Variants in CCDC30 observed in about 807,000 individuals in gnomAD.
CCDC30 encodes coiled-coil domain-containing protein 30.
A neutral mutation model predicts 100.2 loss-of-function variants in CCDC30; 70 were observed. The observed-to-expected ratio is 0.70, with a 90% confidence interval of 0.58 to 0.85. CCDC30 has a LOEUF of 0.85. CCDC30 is among the 40% of genes least tolerant of loss of function. The pLI is 0.00. For synonymous variants in CCDC30, 233 were observed against 269.5 expected, an observed-to-expected ratio of 0.86 and a Z score of 1.33; for missense variants, 652 against 771.2, an observed-to-expected ratio of 0.85 and a Z score of 1.83.
rs147320905 is a variant in CCDC30 at position 42,557,400 on chromosome 1, C to T, written c.457-8896C>T. ...AATATTTAAGAAGAGATTACTTTTA[C>T]AGCTCCAGATGGACATTGGTCAGTG... On this transcript the variant is annotated intron_variant, in intron 6 of 16. Coordinates refer to ENST00000668663, the Ensembl canonical transcript of CCDC30. Among the ~76,000 whole-genome samples, 796 of 152,144 alleles carry T rather than the reference C, an allele frequency of 5.2e-3. 8 individuals are homozygous for T. Among genetic ancestry groups the T allele is most frequent in the African/African-American group, 0.019 (769 of 41,538 alleles).
At chr1:42,652,864 C>T (rs1157564292) in intron 15 of CCDC30, among the ~76,000 whole-genome samples, 1 of 151,888 alleles carries the variant, frequency 6.6e-6, no homozygotes, top group Non-Finnish European at 1.5e-5. Flanking sequence ...TAGTGATTGC[C>T]AAGGATTTGG....
chr1:42,460,907 C>T (rs1323122603), upstream of CCDC30, among the ~76,000 whole-genome samples: 2 of 152,210 alleles, frequency 1.3e-5, no homozygotes, highest in Non-Finnish European at 2.9e-5. Flanking sequence ...TCTCACTTAG[C>T]AAAGCAGTGT....
At chr1:42,609,036 G>A (rs78879760) in intron 10 of CCDC30, among the ~76,000 whole-genome samples, 2,739 of 152,192 alleles carry the variant, frequency 0.018, 37 homozygotes, top group Non-Finnish European at 0.027. Flanking sequence ...TATTTTTAGG[G>A]AAATGAAAAA....
At chr1:42,533,144 T>C (rs1161071492) in intron 6 of CCDC30, among the ~76,000 whole-genome samples, 1 of 152,166 alleles carries the variant, frequency 6.6e-6, no homozygotes, top group Non-Finnish European at 1.5e-5. Context: ...CTAGACTTGA[T>C]TGGATAAACA....
intron 10 of CCDC30, among the ~76,000 whole-genome samples, chr1:42,608,363 G>A (rs1276052202): frequency 6.6e-6 from 1 of 152,212 alleles, no homozygotes; most frequent in Non-Finnish European, 1.5e-5. Context: ...TGTGGCAAGT[G>A]ACAGGCACGG....
intron 1 of CCDC30, among the ~76,000 whole-genome samples, chr1:42,469,025 A>G (rs1294764179): frequency 6.6e-6 from 1 of 151,406 alleles, no homozygotes; most frequent in African/African-American, 2.5e-5. Context: ...CAGAATTAAA[A>G]AAAAAAAAAC....
intron 6 of CCDC30, chr1:42,534,048 A>C: frequency 6.6e-6 from 1 of 152,162 alleles, no homozygotes; most frequent in East Asian, 1.9e-4. Flanking sequence ...TTCTGCTTTA[A>C]ACTTTGGTTA....
intron 12 of CCDC30, among the ~76,000 whole-genome samples, chr1:42,640,441 C>T (rs1183038194): frequency 1.3e-5 from 2 of 152,178 alleles, no homozygotes; most frequent in Admixed American, 6.6e-5. Flanking sequence ...GGGATGATTG[C>T]TTCTATTCTC....
chr1:42,580,271 T>C (rs1645935904), intron 8 of CCDC30, among the ~76,000 whole-genome samples: 1 of 152,182 alleles, frequency 6.6e-6, no homozygotes, highest in Non-Finnish European at 1.5e-5. Context: ...CCTACTACCA[T>C]TCCCCTTGAA....
chr1:42,511,159 G>A (rs926651980), intron 6 of CCDC30, among the ~76,000 whole-genome samples: 24 of 152,202 alleles, frequency 1.6e-4, no homozygotes, highest in African/African-American at 5.3e-4. Flanking sequence ...CTGGGTCCCA[G>A]CACCTTGTTA....
chr1:42,593,618 G>T (rs1280431504), intron 10 of CCDC30: 3 of 152,104 alleles, frequency 2.0e-5, no homozygotes, highest in African/African-American at 7.2e-5. Flanking sequence ...TGGTACCCCT[G>T]GCAACTTGCC....
chr1:42,566,328 C>T (rs1295675139), exon 7 of CCDC30: 1 of 1,613,556 alleles, frequency 6.2e-7, no homozygotes, highest in South Asian at 1.1e-5. Context: ...TAAAATACAA[C>T]CAGCAAGGGG....
chr1:42,530,422 C>T (rs1644788815), intron 6 of CCDC30, among the ~76,000 whole-genome samples: 1 of 152,154 alleles, frequency 6.6e-6, no homozygotes, highest in Non-Finnish European at 1.5e-5. Flanking sequence ...GTACAGTTGG[C>T]TCTTCATATC....
Position 42,538,163 on chromosome 1 carries a change from A to C in CCDC30, c.457-28133A>C, listed in dbSNP as rs991553179. Among the ~76,000 whole-genome samples the C allele has an allele frequency of 6.3e-4, 92 of 145,554 alleles. 1 individual carries two copies. The highest frequency in any genetic ancestry group is 4.1e-4 in the Non-Finnish European group (27 of 65,798). ...CACTGTCTCCACAAAAAAAAAAAAA[A>C]AAAAAAAAAAAAAAAAATTAGCCAG... On this transcript the variant is annotated intron_variant, in intron 6 of 16. Coordinates refer to ENST00000668663, the Ensembl canonical transcript of CCDC30.
chr1:42,471,301 C>A (rs1431494860), intron 1 of CCDC30, among the ~76,000 whole-genome samples: 1 of 152,174 alleles, frequency 6.6e-6, no homozygotes, highest in Non-Finnish European at 1.5e-5. Context: ...CCCTACTCCA[C>A]CCCTACAGCA....
intron 11 of CCDC30, among the ~76,000 whole-genome samples, chr1:42,615,107 T>C (rs957683617): frequency 1.3e-5 from 2 of 152,042 alleles, no homozygotes; most frequent in African/African-American, 2.4e-5. Flanking sequence ...AACTTAGGTT[T>C]AGGGTTTTTA....
At chr1:42,548,875 A>G (rs1645194602) in intron 6 of CCDC30, among the ~76,000 whole-genome samples, 1 of 152,218 alleles carries the variant, frequency 6.6e-6, no homozygotes, top group African/African-American at 2.4e-5. Context: ...GCATGGGCAC[A>G]TGCACACAGA....
intron 6 of CCDC30, among the ~76,000 whole-genome samples, chr1:42,548,056 A>C (rs1351019596): frequency 1.3e-5 from 2 of 152,172 alleles, no homozygotes; most frequent in Non-Finnish European, 2.9e-5. Flanking sequence ...GTTCAAGAGA[A>C]AGCATGGTTT....
chr1:42,594,200 A>G (rs1324419839), intron 10 of CCDC30: 2 of 152,228 alleles, frequency 1.3e-5, no homozygotes, highest in African/African-American at 4.8e-5. Flanking sequence ...ATGCGTGGAT[A>G]TACTATAACA....
Sources: gnomAD v4.1 joint callset for allele counts (sites outside exome capture counted in the v4.1 genomes callset) on GRCh38, gnomAD v4.1.1 for gene constraint, MANE v1.5 for transcripts, NCBI Gene and HGNC (gene_info 2026-07-23, HGNC 2026-07-21) for gene names.